The following XYLT1 variants were observed in gnomAD, a reference collection of about 807,000 sequenced individuals.
XYLT1 encodes the protein beta-D-xylosyltransferase 1.
XYLT1 carries 36 observed loss-of-function variants against 91.3 expected under a neutral mutation model. The ratio of observed to expected loss-of-function variants is 0.39; its 90% CI spans 0.30 to 0.52. The LOEUF is 0.52. Ranked by LOEUF, XYLT1 falls within the 20% of genes least tolerant of loss-of-function variation. XYLT1 has a pLI of 0.68. For synonymous variants in XYLT1, 588 were observed against 532.0 expected (o/e 1.11, Z -1.45); for missense variants, 1,242 against 1,284.5 (o/e 0.97, Z 0.51).
At chr16:17,143,481 A>T (rs1261766154) in intron 6 of XYLT1, among the ~76,000 whole-genome samples, 1 of 152,132 alleles carries the variant, frequency 6.6e-6, no homozygotes, top group Non-Finnish European at 1.5e-5. Context: ...CTTACACACG[A>T]CCAGGACTCT....
intron 2 of XYLT1, among the ~76,000 whole-genome samples, chr16:17,262,215 G>C (rs552850632): frequency 1.3e-5 from 2 of 152,278 alleles, no homozygotes; most frequent in South Asian, 2.1e-4. Flanking sequence ...TATGGATCAC[G>C]TGCTAGGTGC....
At chr16:17,192,652 G>T (rs2032340484) in intron 5 of XYLT1, among the ~76,000 whole-genome samples, 1 of 152,150 alleles carries the variant, frequency 6.6e-6, no homozygotes, top group Non-Finnish European at 1.5e-5. Context: ...CGTGGACCAG[G>T]ATGTCATGTC....
At chr16:17,316,665 G>A (rs2034636490) in intron 2 of XYLT1, among the ~76,000 whole-genome samples, 2 of 152,008 alleles carry the variant, frequency 1.3e-5, no homozygotes, top group African/African-American at 4.8e-5. Flanking sequence ...CCAAAGTGCT[G>A]GGATTACAGG....
At chr16:17,345,356 A>G (rs904636314) in intron 2 of XYLT1, among the ~76,000 whole-genome samples, 1 of 152,246 alleles carries the variant, frequency 6.6e-6, no homozygotes, top group East Asian at 1.9e-4. Flanking sequence ...TAAACAGAGG[A>G]GGAGGAACAT....
chr16:17,361,607 T>C (rs1248080354), intron 1 of XYLT1, among the ~76,000 whole-genome samples: 1 of 152,184 alleles, frequency 6.6e-6, no homozygotes, highest in Non-Finnish European at 1.5e-5. Flanking sequence ...CCCTGTGTGC[T>C]AGCTCTATTA....
intron 6 of XYLT1, among the ~76,000 whole-genome samples, chr16:17,156,447 AT>A (rs1567299756): frequency 6.6e-6 from 1 of 152,324 alleles, no homozygotes; most frequent in East Asian, 1.9e-4. Flanking sequence ...AGGAATACCA[AT>A]GTCTGAGCCA....
intron 6 of XYLT1, among the ~76,000 whole-genome samples, chr16:17,152,093 A>G (rs1222036817): frequency 6.6e-6 from 1 of 152,224 alleles, no homozygotes; most frequent in Non-Finnish European, 1.5e-5. Context: ...TATAAAAGGA[A>G]TGCATAGCCT....
chr16:17,291,345 T>C (rs1166234043), intron 2 of XYLT1, among the ~76,000 whole-genome samples: 1 of 152,198 alleles, frequency 6.6e-6, no homozygotes, highest in East Asian at 1.9e-4. Context: ...ATGAGCAGCA[T>C]ATGTAAGATG....
intron 9 of XYLT1, among the ~76,000 whole-genome samples, chr16:17,130,584 C>T (rs2030431837): frequency 6.6e-6 from 1 of 152,256 alleles, no homozygotes; most frequent in African/African-American, 2.4e-5. Context: ...GCAGTTCTCC[C>T]TGACTCAGCC....
chr16:17,280,330 A>G (rs563334491), intron 2 of XYLT1, among the ~76,000 whole-genome samples: 1 of 152,348 alleles, frequency 6.6e-6, no homozygotes, highest in East Asian at 1.9e-4. Context: ...AGCCTGGGTG[A>G]CAGAGCAACA....
At chr16:17,309,879 G>C (rs1343738633) in intron 2 of XYLT1, among the ~76,000 whole-genome samples, 1 of 152,134 alleles carries the variant, frequency 6.6e-6, no homozygotes, top group Non-Finnish European at 1.5e-5. Flanking sequence ...TTGGTGGATG[G>C]TGAGAAAGGC....
chr16:17,165,461 C>T (rs985466400), intron 5 of XYLT1, among the ~76,000 whole-genome samples: 32 of 151,588 alleles, frequency 2.1e-4, no homozygotes, highest in African/African-American at 3.4e-4. Flanking sequence ...CCAAGGCAGG[C>T]GGATCATGAG....
intron 2 of XYLT1, among the ~76,000 whole-genome samples, chr16:17,322,968 A>G (rs1254616556): frequency 6.6e-6 from 1 of 152,234 alleles, no homozygotes; most frequent in Non-Finnish European, 1.5e-5. Flanking sequence ...GAGAACCTAA[A>G]GGCAAAACAG....
intron 1 of XYLT1, among the ~76,000 whole-genome samples, chr16:17,382,451 T>C (rs1296603825): frequency 1.3e-5 from 2 of 151,960 alleles, no homozygotes; most frequent in Non-Finnish European, 2.9e-5. Context: ...ATTGCATTTC[T>C]AATTCTATTT....
intron 3 of XYLT1, among the ~76,000 whole-genome samples, chr16:17,209,034 A>T (rs1358101966): frequency 6.6e-6 from 1 of 152,182 alleles, no homozygotes; most frequent in Non-Finnish European, 1.5e-5. Context: ...TATTTTAAGC[A>T]TTTTTAAGTT....
At chr16:17,237,919 C>A (rs926718531) in intron 3 of XYLT1, among the ~76,000 whole-genome samples, 2 of 152,242 alleles carry the variant, frequency 1.3e-5, no homozygotes, top group Non-Finnish European at 2.9e-5. Context: ...GGCTCCAAAT[C>A]CCTCTGAAGG....
At chr16:17,158,534 G>A (rs899629755) in intron 6 of XYLT1, among the ~76,000 whole-genome samples, 6 of 152,192 alleles carry the variant, frequency 3.9e-5, no homozygotes, top group East Asian at 1.9e-4. Context: ...AGAATTAACC[G>A]TGGGTGCCCT....
At chr16:17,153,499 C>T (rs377327300) in intron 6 of XYLT1, among the ~76,000 whole-genome samples, 4 of 152,312 alleles carry the variant, frequency 2.6e-5, no homozygotes, top group Admixed American at 2.6e-4. Context: ...GTGCAAGCCT[C>T]AAACTCCTGG....
chr16:17,453,578 C>T (rs747379059), intron 1 of XYLT1, among the ~76,000 whole-genome samples: 4 of 152,184 alleles, frequency 2.6e-5, no homozygotes, highest in Non-Finnish European at 4.4e-5. Context: ...GCAGCACCTC[C>T]GGGGAAGTCT....
Sources: allele counts gnomAD v4.1 joint callset (sites outside exome capture counted in the v4.1 genomes callset), GRCh38; gene constraint gnomAD v4.1.1; transcripts MANE v1.5; gene names NCBI Gene and HGNC (gene_info 2026-07-23, HGNC 2026-07-21).